The following DEPTOR variants were observed in gnomAD, a reference collection of about 807,000 sequenced individuals.
The protein encoded by DEPTOR is DEP domain containing MTOR interacting protein, also known as DEP domain-containing mTOR-interacting protein.
In DEPTOR, 41 loss-of-function variants were observed where a neutral mutation model predicts 41.6. That is an observed-to-expected ratio of 0.98 (90% CI 0.77 to 1.28). The LOEUF (loss-of-function observed/expected upper bound fraction) is 1.28. Among genes scored for constraint, DEPTOR ranks in the 50% most tolerant of loss-of-function variants. DEPTOR has a pLI of 0.00. For missense variants in DEPTOR, 514 were observed against 527.9 expected, an observed-to-expected ratio of 0.97 and a Z score of 0.26; for synonymous variants, 195 against 192.3, an observed-to-expected ratio of 1.01 and a Z score of -0.12.
chr8:119,928,582 A>G lies in DEPTOR; in HGVS notation c.301+4A>G, dbSNP rs1301903989. 6.2e-7 allele frequency: 1 copy of G among 1,612,434 alleles called. No homozygotes were observed. The highest frequency in any genetic ancestry group is 8.5e-7 in the Non-Finnish European group (1 of 1,179,186). On this transcript the variant is annotated splice_donor_region_variant and intron_variant, in intron 2 of 8. Coordinates refer to ENST00000286234, the MANE Select transcript of DEPTOR (RefSeq NM_022783.4). Reference sequence around the variant, plus strand: ...GACCGGGGCATTATTCACCATGGTGAGTGCGGTGGCGAGTCAAGGTGACTT... The same window carrying G: ...GACCGGGGCATTATTCACCATGGTGGGTGCGGTGGCGAGTCAAGGTGACTT...
At chr8:119,918,437 C>T (rs7462803) in intron 1 of DEPTOR, among the ~76,000 whole-genome samples, 4 of 36,798 alleles carry the variant, frequency 1.1e-4, no homozygotes, top group Non-Finnish European at 3.2e-4. Context: ...GCATGGACCA[C>T]CTTTATTTAT....
chr8:120,049,550 G>A, intron 8 of DEPTOR, 26 bp from the exon 9 acceptor site: 11 of 1,609,986 alleles, frequency 6.8e-6, no homozygotes, highest in Non-Finnish European at 9.3e-6. Context: ...TATAATAGAT[G>A]CTCTTTCTTT....
intron 1 of DEPTOR, among the ~76,000 whole-genome samples, chr8:119,924,057 C>T (rs1344288064): frequency 2.6e-5 from 4 of 152,150 alleles, no homozygotes; most frequent in African/African-American, 9.7e-5. Context: ...TAGCACCTTC[C>T]TAAGTCATCT....
chr8:120,044,750 G>A (rs1287466512), intron 8 of DEPTOR, among the ~76,000 whole-genome samples: 1 of 152,194 alleles, frequency 6.6e-6, no homozygotes. Flanking sequence ...TATTAAGTGT[G>A]TAAAGTACTT....
At chr8:119,978,459 A>T (rs978399272) in intron 4 of DEPTOR, among the ~76,000 whole-genome samples, 16 of 152,134 alleles carry the variant, frequency 1.1e-4, no homozygotes, top group African/African-American at 3.6e-4. Context: ...CTGTGGTATT[A>T]AGTTCCAGTT....
chr8:120,003,863 A>C (rs1812393085), intron 6 of DEPTOR, among the ~76,000 whole-genome samples: 1 of 152,168 alleles, frequency 6.6e-6, no homozygotes, highest in African/African-American at 2.4e-5. Context: ...AATCCATTGA[A>C]ACTACCCTTT....
chr8:120,024,287 A>G (rs1198674915), intron 8 of DEPTOR, among the ~76,000 whole-genome samples: 5 of 152,140 alleles, frequency 3.3e-5, no homozygotes, highest in Non-Finnish European at 5.9e-5. Context: ...AGTGGCACAC[A>G]TGACTTCTTT....
chr8:119,952,669 T>C (rs186852587), intron 3 of DEPTOR, among the ~76,000 whole-genome samples: 5 of 152,282 alleles, frequency 3.3e-5, no homozygotes. Context: ...AGTGAGAACA[T>C]GTGGGTTTGG....
rs372250730 is a variant in DEPTOR, at chr8:120,043,394, A to G, written c.1102-6182A>G. On this transcript the variant is annotated intron_variant, in intron 8 of 8. Transcript: ENST00000286234. ...TTGAAATAAGTATCTAAGTTTACATATTATTCAGAGTTTTTAGTGACACAA... is the reference window on the plus strand; with the variant it reads ...TTGAAATAAGTATCTAAGTTTACATGTTATTCAGAGTTTTTAGTGACACAA... Among the ~76,000 whole-genome samples, 8 of 152,190 alleles carry G rather than the reference A, an allele frequency of 5.3e-5. No homozygotes were observed. In the East Asian group the frequency reaches 9.6e-4, roughly 18 times the overall value.
At chr8:119,894,565 T>G (rs1396245597) in intron 1 of DEPTOR, among the ~76,000 whole-genome samples, 2 of 151,758 alleles carry the variant, frequency 1.3e-5, no homozygotes, top group African/African-American at 4.8e-5. Context: ...CCCGGCTAAT[T>G]TTTTGTATTT....
intron 1 of DEPTOR, among the ~76,000 whole-genome samples, chr8:119,877,857 G>A (rs1168607022): frequency 6.6e-6 from 1 of 152,218 alleles, no homozygotes. Flanking sequence ...AGCAAGAAGA[G>A]TGTTGTTATG....
intron 1 of DEPTOR, among the ~76,000 whole-genome samples, chr8:119,890,004 G>A (rs1416826458): frequency 6.6e-6 from 1 of 152,200 alleles, no homozygotes; most frequent in East Asian, 1.9e-4. Flanking sequence ...TCACTCTGTT[G>A]CCCAGGCTGG....
Position 119,965,239 on chromosome 8 carries a change from A to G in DEPTOR, c.433A>G (p.Ser145Gly). The change falls in exon 4 of 9, where the codon AGC becomes GGC. Residue 145 changes from serine (S) to glycine (G), a missense_variant. Coordinates refer to ENST00000286234, the MANE Select transcript of DEPTOR (RefSeq NM_022783.4). Reference protein sequence around the residue: ...RGQRLYEKLMSPENTLLQPRE... With the variant: ...RGQRLYEKLMGPENTLLQPRE... The stretch of plus-strand genomic sequence containing the variant: ...CCCTTTTTTTCTTCCCAGGCTGATG[A>G]GCCCTGAAAACACACTCCTGCAGCC... The G allele has an allele frequency of 6.2e-7, 1 of 1,609,042 alleles. No individual in the cohort carries two copies. Among genetic ancestry groups the G allele is most frequent in the South Asian group, 1.1e-5 (1 of 89,754 alleles).
intron 6 of DEPTOR, among the ~76,000 whole-genome samples, chr8:120,003,433 C>T (rs569388096): frequency 9.9e-5 from 15 of 152,214 alleles, no homozygotes; most frequent in Admixed American, 3.3e-4. Flanking sequence ...GTATTGGCTG[C>T]CCCTGGGAGG....
chr8:120,039,624 G>T (rs571527691), intron 8 of DEPTOR, among the ~76,000 whole-genome samples: 1 of 151,982 alleles, frequency 6.6e-6, no homozygotes, highest in Admixed American at 6.6e-5. Context: ...CATGATTTTT[G>T]TTGCTCTGCT....
intron 1 of DEPTOR, among the ~76,000 whole-genome samples, chr8:119,893,319 G>C (rs1382220774): frequency 6.6e-6 from 1 of 152,212 alleles, no homozygotes; most frequent in African/African-American, 2.4e-5. Flanking sequence ...CCCTAAAGGG[G>C]AACACAGAGA....
intron 1 of DEPTOR, among the ~76,000 whole-genome samples, chr8:119,925,556 A>G (rs1345186980): frequency 6.6e-6 from 1 of 152,208 alleles, no homozygotes; most frequent in African/African-American, 2.4e-5. Context: ...GGGGATTATT[A>G]CAATTCAAGG....
chr8:119,911,311 CTTTTTTTTTTTTT>C (rs147066045), intron 1 of DEPTOR, among the ~76,000 whole-genome samples: 1 of 105,478 alleles, frequency 9.5e-6, no homozygotes, highest in Non-Finnish European at 1.8e-5. Flanking sequence ...TACACACATT[CTTTTTTTTTTTTT>C]TTTTTTTTTT....
chr8:119,879,208 G>A (rs1316997098), intron 1 of DEPTOR, among the ~76,000 whole-genome samples: 1 of 152,138 alleles, frequency 6.6e-6, no homozygotes, highest in Non-Finnish European at 1.5e-5. Context: ...GAGAAATTGT[G>A]GAGAAATTAG....
Sources: allele counts gnomAD v4.1 joint callset (sites outside exome capture counted in the v4.1 genomes callset), GRCh38; gene constraint gnomAD v4.1.1; transcripts MANE v1.5; gene names NCBI Gene and HGNC (gene_info 2026-07-23, HGNC 2026-07-21).